The following CDK14 variants were observed in gnomAD, a reference collection of about 807,000 sequenced individuals.
The protein encoded by CDK14 is cyclin dependent kinase 14.
A neutral mutation model predicts 60.7 loss-of-function variants in CDK14; 34 were observed. The ratio of observed to expected loss-of-function variants is 0.56; its 90% CI spans 0.43 to 0.75. The LOEUF (loss-of-function observed/expected upper bound fraction) is 0.75, where lower values mean the gene tolerates loss of function less well. Ranked by LOEUF, CDK14 falls within the 30% of genes least tolerant of loss-of-function variation. The pLI, the probability that CDK14 is intolerant of heterozygous loss-of-function variation, is 0.00. For synonymous variants in CDK14, 197 were observed against 203.7 expected (o/e 0.97, Z 0.28); for missense variants, 482 against 564.1 (o/e 0.85, Z 1.47).
At chr7:90,876,522 G>A (rs139931594) in intron 6 of CDK14, among the ~76,000 whole-genome samples, 3 of 152,156 alleles carry the variant, frequency 2.0e-5, no homozygotes, top group African/African-American at 4.8e-5. Flanking sequence ...CCACTTCCTG[G>A]TGCCACCAAT....
At position 90,631,688 on chromosome 7, in the gene CDK14, T is replaced by C. The variant is rs188731527; in HGVS notation, c.123+27439T>C. 7.2e-5 allele frequency among the ~76,000 whole-genome samples: 11 copies of C among 152,260 alleles called. No homozygotes were observed. The East Asian group carries it at 1.9e-3, about 27-fold the overall frequency. ...AAAGAGTAGTGCACAGTGTACACAG[T>C]TGGTACTAAGAAAGGCCCTCGGGGA... On this transcript the variant is annotated intron_variant, in intron 2 of 14. Transcript: ENST00000380050.
intron 2 of CDK14, among the ~76,000 whole-genome samples, chr7:90,712,458 A>G (rs1045936865): frequency 6.6e-6 from 1 of 151,960 alleles, no homozygotes; most frequent in African/African-American, 2.4e-5. Context: ...TCCATGTTGT[A>G]TCATGTATCA....
At chr7:90,655,419 G>A (rs1800731664) in intron 2 of CDK14, among the ~76,000 whole-genome samples, 1 of 151,968 alleles carries the variant, frequency 6.6e-6, no homozygotes, top group South Asian at 2.1e-4. Context: ...AAAAAAAACA[G>A]CCTGGAAAAA....
At chr7:90,870,141 T>C (rs1211538953) in intron 6 of CDK14, among the ~76,000 whole-genome samples, 6 of 152,208 alleles carry the variant, frequency 3.9e-5, no homozygotes, top group Admixed American at 1.3e-4. Flanking sequence ...GTGATACATA[T>C]ACACTGTGGA....
intron 2 of CDK14, among the ~76,000 whole-genome samples, chr7:90,697,496 T>TA (rs1801683807): frequency 6.6e-6 from 1 of 152,144 alleles, no homozygotes; most frequent in African/African-American, 2.4e-5. Flanking sequence ...GTATTTGGCC[T>TA]AAAAAATCGT....
At chr7:90,893,553 G>A (rs915013260) in intron 6 of CDK14, among the ~76,000 whole-genome samples, 9 of 152,212 alleles carry the variant, frequency 5.9e-5, no homozygotes, top group African/African-American at 1.9e-4. Flanking sequence ...ATTCTTAAGT[G>A]TAGTTCTGTA....
intron 2 of CDK14, among the ~76,000 whole-genome samples, chr7:90,639,593 TGAG>T (rs1335882832): frequency 6.6e-6 from 1 of 151,374 alleles, no homozygotes; most frequent in East Asian, 2.0e-4. Context: ...GGGACCCACT[TGAG>T]GAGGCAGTCT....
intron 3 of CDK14, among the ~76,000 whole-genome samples, chr7:90,733,882 T>C (rs1802975831): frequency 6.6e-6 from 1 of 152,214 alleles, no homozygotes; most frequent in African/African-American, 2.4e-5. Context: ...GCCCATTAGT[T>C]GATGCAGTTT....
intron 14 of CDK14, among the ~76,000 whole-genome samples, chr7:91,147,512 G>A (rs1166285769): frequency 6.6e-6 from 1 of 152,052 alleles, no homozygotes; most frequent in Non-Finnish European, 1.5e-5. Context: ...CTTGTCAAGG[G>A]CTTTCTGAAA....
intron 14 of CDK14, among the ~76,000 whole-genome samples, chr7:91,187,106 T>C (rs1802215256): frequency 6.6e-6 from 1 of 152,276 alleles, no homozygotes; most frequent in South Asian, 2.1e-4. Context: ...TTAATTCATT[T>C]AAACATGATA....
intron 9 of CDK14, among the ~76,000 whole-genome samples, chr7:90,960,198 T>A (rs1257695907): frequency 1.3e-5 from 2 of 151,880 alleles, no homozygotes; most frequent in Non-Finnish European, 2.9e-5. Context: ...TAAAATAGGG[T>A]GACTAAGTCA....
chr7:90,846,576 CTATT>C (rs1790477124), intron 5 of CDK14, among the ~76,000 whole-genome samples: 2 of 152,198 alleles, frequency 1.3e-5, no homozygotes, highest in Admixed American at 6.5e-5. Context: ...AAAAACATAT[CTATT>C]TATTTATTGA....
At chr7:90,726,320 G>T in intron 2 of CDK14, 1 of 983,214 alleles carries the variant, frequency 1.0e-6, no homozygotes, top group Non-Finnish European at 1.2e-6. Context: ...AGCAGCCTGG[G>T]CCTTAAGTTT....
intron 2 of CDK14, among the ~76,000 whole-genome samples, chr7:90,688,199 A>C (rs536624373): frequency 6.6e-6 from 1 of 152,312 alleles, no homozygotes; most frequent in East Asian, 1.9e-4. Flanking sequence ...CTGTTCCTAC[A>C]TCTAATAAAA....
At chr7:90,828,436 A>G (rs147545836) in intron 5 of CDK14, among the ~76,000 whole-genome samples, 60 of 152,294 alleles carry the variant, frequency 3.9e-4, no homozygotes, top group African/African-American at 1.4e-3. Flanking sequence ...TTTCATTTGA[A>G]TCTGCATTCT....
At chr7:90,900,246 A>C (rs1253670033) in intron 7 of CDK14, among the ~76,000 whole-genome samples, 1 of 152,138 alleles carries the variant, frequency 6.6e-6, no homozygotes, top group Non-Finnish European at 1.5e-5. Flanking sequence ...CTTATAGGAA[A>C]TCTGTCAAAA....
chr7:90,612,530 G>A (rs1799562949), intron 2 of CDK14, among the ~76,000 whole-genome samples: 1 of 152,094 alleles, frequency 6.6e-6, no homozygotes, highest in African/African-American at 2.4e-5. Flanking sequence ...CCAACACTAT[G>A]GGAGGTCGAG....
intron 5 of CDK14, among the ~76,000 whole-genome samples, chr7:90,812,547 G>C (rs1284610999): frequency 6.6e-6 from 1 of 152,044 alleles, no homozygotes; most frequent in African/African-American, 2.4e-5. Context: ...CAGCACACCA[G>C]CATGGCACAT....
intron 2 of CDK14, among the ~76,000 whole-genome samples, chr7:90,656,775 C>T (rs980485121): frequency 6.6e-6 from 1 of 152,130 alleles, no homozygotes; most frequent in African/African-American, 2.4e-5. Context: ...GTAGTTAGAG[C>T]ATCTTGTGTG....
Sources: gnomAD v4.1 joint callset for allele counts (sites outside exome capture counted in the v4.1 genomes callset) on GRCh38, gnomAD v4.1.1 for gene constraint, MANE v1.5 for transcripts, NCBI Gene and HGNC (gene_info 2026-07-23, HGNC 2026-07-21) for gene names.